The following EFNA5 variants were observed in gnomAD, a reference collection of about 807,000 sequenced individuals.
The protein encoded by EFNA5 is ephrin A5, also known as ephrin-A5.
In EFNA5, 5 loss-of-function variants were observed where a neutral mutation model predicts 22.9. That is an observed-to-expected ratio of 0.22 (90% confidence interval 0.11 to 0.46). The LOEUF (loss-of-function observed/expected upper bound fraction) is 0.46. EFNA5 is among the 20% of genes least tolerant of loss of function. The pLI is 0.99. For missense variants in EFNA5, 237 were observed against 293.3 expected (o/e 0.81, Z 1.40); for synonymous variants, 113 against 112.2 (o/e 1.01, Z -0.04).
rs372390353 is a variant in EFNA5, at chr5:107,413,155, G to A, written c.418+14062C>T. Among the ~76,000 whole-genome samples, 6 of 152,226 alleles carry A rather than the reference G, an allele frequency of 3.9e-5. No individual in the cohort carries two copies. In the East Asian group the frequency reaches 7.7e-4, roughly 20 times the overall value. On this transcript the variant is annotated intron_variant, in intron 2 of 4. Transcript: ENST00000333274. ...CTCTCCAAACCTAATGAATGGTGAA[G>A]CCAAAACCCAGGCCTCCTCATTCTC...
intron 2 of EFNA5, among the ~76,000 whole-genome samples, chr5:107,417,785 T>C (rs949599881): frequency 1.1e-4 from 17 of 152,284 alleles, no homozygotes; most frequent in Admixed American, 5.2e-4. Flanking sequence ...AAGTCTCATT[T>C]GTGGTGATTT....
chr5:107,382,052 CTATT>C (rs951876514), intron 4 of EFNA5, among the ~76,000 whole-genome samples: 16 of 152,152 alleles, frequency 1.1e-4, no homozygotes, highest in African/African-American at 3.4e-4. Flanking sequence ...TTGAACTTGA[CTATT>C]TTTATTTTTA....
intron 1 of EFNA5, among the ~76,000 whole-genome samples, chr5:107,489,860 G>T (rs566440350): frequency 2.0e-5 from 3 of 152,290 alleles, no homozygotes; most frequent in Non-Finnish European, 4.4e-5. Flanking sequence ...GTACCAGTGT[G>T]CTAGGAATGC....
At chr5:107,654,839 G>C (rs148972512) in intron 1 of EFNA5, among the ~76,000 whole-genome samples, 165 of 152,188 alleles carry the variant, frequency 1.1e-3, no homozygotes, top group South Asian at 3.1e-3. Context: ...CTGTTCAACT[G>C]TCTAAATTCA....
chr5:107,570,655 G>A (rs1748782645), intron 1 of EFNA5, among the ~76,000 whole-genome samples: 1 of 151,724 alleles, frequency 6.6e-6, no homozygotes, highest in Admixed American at 6.6e-5. Context: ...GTGTGTGGGG[G>A]TGGGGGCGGG....
intron 1 of EFNA5, among the ~76,000 whole-genome samples, chr5:107,645,663 A>T (rs771945166): frequency 1.5e-4 from 23 of 152,206 alleles, no homozygotes; most frequent in Non-Finnish European, 2.5e-4. Context: ...TGGATATTAC[A>T]TATACTTAAA....
At chr5:107,608,336 C>T (rs563748336) in intron 1 of EFNA5, among the ~76,000 whole-genome samples, 6 of 152,216 alleles carry the variant, frequency 3.9e-5, no homozygotes, top group South Asian at 2.1e-4. Context: ...ATGTAGCCAT[C>T]GATGCAACAA....
intron 2 of EFNA5, among the ~76,000 whole-genome samples, chr5:107,420,760 G>A (rs1319445760): frequency 3.3e-5 from 5 of 152,074 alleles, no homozygotes; most frequent in Non-Finnish European, 7.4e-5. Context: ...GCCATATGTG[G>A]TTTATTATGG....
rs185996155 is a variant in EFNA5, at chr5:107,521,107, T to C, written c.126-93598A>G. ...GCTTATTTCCTGATAAACGAACTCATTGTGAGTTGAAAATTATTGTATGTA... is the reference window on the plus strand; with the variant it reads ...GCTTATTTCCTGATAAACGAACTCACTGTGAGTTGAAAATTATTGTATGTA... On this transcript the variant is annotated intron_variant, in intron 1 of 4. Coordinates refer to ENST00000333274, the MANE Select transcript of EFNA5 (RefSeq NM_001962.3). 5.8e-4 allele frequency among the ~76,000 whole-genome samples: 88 copies of C among 152,286 alleles called. 1 individual carries two copies. Among genetic ancestry groups the C allele is most frequent in the African/African-American group, 2.0e-3 (82 of 41,574 alleles).
chr5:107,489,915 A>T (rs1267087919), intron 1 of EFNA5, among the ~76,000 whole-genome samples: 2 of 152,178 alleles, frequency 1.3e-5, no homozygotes, highest in African/African-American at 4.8e-5. Flanking sequence ...AGCTGGACTT[A>T]GTTCCAATGT....
At chr5:107,650,944 T>C (rs1248079455) in intron 1 of EFNA5, among the ~76,000 whole-genome samples, 15 of 152,226 alleles carry the variant, frequency 9.9e-5, no homozygotes, top group Admixed American at 9.8e-4. Context: ...TACTAGTTAT[T>C]TGTAGTGGAT....
At chr5:107,495,109 C>T (rs906313206) in intron 1 of EFNA5, among the ~76,000 whole-genome samples, 28 of 152,168 alleles carry the variant, frequency 1.8e-4, no homozygotes, top group South Asian at 2.1e-4. Context: ...AGTGGCAACC[C>T]GCTCAGGTCC....
rs904389521 is a variant in EFNA5, at chr5:107,526,370, C to G, written c.126-98861G>C. Among the ~76,000 whole-genome samples, 8 of 152,298 alleles carry G rather than the reference C, an allele frequency of 5.3e-5. 1 individual carries two copies. The highest frequency in any genetic ancestry group is 2.1e-4 in the South Asian group (1 of 4,818). ...GAGTTATATTTCCTCTGCAGCAGTT[C>G]ATTCCAGTGTAAGGTTTGCCTGAAA... On this transcript the variant is annotated intron_variant, in intron 1 of 4. Transcript: ENST00000333274.
chr5:107,499,319 G>C (rs1261737550), intron 1 of EFNA5, among the ~76,000 whole-genome samples: 2 of 152,144 alleles, frequency 1.3e-5, no homozygotes, highest in African/African-American at 4.8e-5. Flanking sequence ...GTAACAACAG[G>C]TTGCAACTAG....
intron 1 of EFNA5, among the ~76,000 whole-genome samples, chr5:107,483,592 G>A (rs1308652685): frequency 1.3e-5 from 2 of 152,194 alleles, no homozygotes; most frequent in Non-Finnish European, 2.9e-5. Context: ...GCCAGGGGAT[G>A]GGAAATAGAT....
intron 1 of EFNA5, among the ~76,000 whole-genome samples, chr5:107,452,651 C>T (rs115354876): frequency 0.025 from 3,817 of 152,206 alleles, 143 homozygotes; most frequent in African/African-American, 0.086. Flanking sequence ...TGCTTGAGCC[C>T]AGGAGGTCAA....
intron 1 of EFNA5, among the ~76,000 whole-genome samples, chr5:107,478,260 A>G (rs1029529987): frequency 1.3e-5 from 2 of 152,182 alleles, no homozygotes; most frequent in South Asian, 4.1e-4. Context: ...CAAGAGATCC[A>G]TAGTCATAAA....
At chr5:107,452,694 T>C (rs1749592881) in intron 1 of EFNA5, among the ~76,000 whole-genome samples, 1 of 152,202 alleles carries the variant, frequency 6.6e-6, no homozygotes, top group Non-Finnish European at 1.5e-5. Flanking sequence ...GCCACTGTAC[T>C]TACTCCAGCC....
At chr5:107,485,130 C>T (rs952825592) in intron 1 of EFNA5, among the ~76,000 whole-genome samples, 8 of 152,016 alleles carry the variant, frequency 5.3e-5, no homozygotes, top group African/African-American at 1.9e-4. Flanking sequence ...GTTTGAATTC[C>T]TAATCCTGTT....
Sources: allele counts gnomAD v4.1 joint callset (sites outside exome capture counted in the v4.1 genomes callset), GRCh38; gene constraint gnomAD v4.1.1; transcripts MANE v1.5; gene names NCBI Gene and HGNC (gene_info 2026-07-23, HGNC 2026-07-21).